The following LAT2 variants were observed in gnomAD, a reference collection of about 807,000 sequenced individuals.
LAT2 encodes linker for activation of T cells family member 2.
In LAT2, 23 loss-of-function variants were observed where a neutral mutation model predicts 43.4. The observed-to-expected ratio is 0.53, with a 90% confidence interval of 0.38 to 0.75. The LOEUF is 0.75. Ranked by LOEUF, LAT2 falls within the 30% of genes least tolerant of loss-of-function variation. The pLI is 0.00. For synonymous variants in LAT2, 128 were observed against 123.2 expected, an observed-to-expected ratio of 1.04 and a Z score of -0.26; for missense variants, 284 against 310.2, an observed-to-expected ratio of 0.92 and a Z score of 0.64.
At chr7:74,228,007 C>G (rs1802552217) in intron 13 of LAT2, among the ~76,000 whole-genome samples, 1 of 150,830 alleles carries the variant, frequency 6.6e-6, no homozygotes, top group African/African-American at 2.4e-5. Context: ...GAAACCCCAT[C>G]TCTACTAAAA....
rs569747381 is a variant in LAT2, at chr7:74,213,087, A to G, written c.-218-1735A>G. On this transcript the variant is annotated intron_variant, in intron 1 of 13. Coordinates refer to ENST00000460943, the MANE Select transcript of LAT2 (RefSeq NM_032464.3). ...GACCTCAGGGGGATCCCAAGGCAGGAGGTAGGCAGCCTGGAGCTCCTCCAT... is the reference window on the plus strand; with the variant it reads ...GACCTCAGGGGGATCCCAAGGCAGGGGGTAGGCAGCCTGGAGCTCCTCCAT... 3.9e-5 allele frequency among the ~76,000 whole-genome samples: 6 copies of G among 152,268 alleles called. No individual in the cohort carries two copies. The East Asian group carries it at 1.2e-3, about 29-fold the overall frequency.
intron 4 of LAT2, 29 bp from the exon 5 acceptor site, chr7:74,219,715 C>G: frequency 6.2e-7 from 1 of 1,614,020 alleles, no homozygotes; most frequent in South Asian, 1.1e-5. Context: ...AGTCCAGGCC[C>G]AGGCTCAGCA....
At chr7:74,216,742 G>A in intron 3 of LAT2, 83 bp from the exon 4 acceptor site, 1 of 1,185,756 alleles carries the variant, frequency 8.4e-7, no homozygotes. Context: ...GAGTCCTGCT[G>A]GAGACAAGAC....
chr7:74,221,762 G>A (rs1337744463), intron 10 of LAT2, 70 bp downstream of exon 10: 1 of 1,353,280 alleles, frequency 7.4e-7, no homozygotes, highest in Non-Finnish European at 1.0e-6. Context: ...CATACCTCCA[G>A]GCAGGAGAGG....
chr7:74,215,900 G>T, intron 2 of LAT2, 47 bp from the exon 3 acceptor site: 1 of 1,321,862 alleles, frequency 7.6e-7, no homozygotes, highest in Non-Finnish European at 1.1e-6. Context: ...TGTGGGGTAG[G>T]ATTCCTGAAA....
At chr7:74,214,361 A>ATATATATATGAACATATATAT (rs1801896735) in intron 1 of LAT2, among the ~76,000 whole-genome samples, 1 of 43,938 alleles carries the variant, frequency 2.3e-5, no homozygotes, top group Non-Finnish European at 4.0e-5. Flanking sequence ...TATATATATA[A>ATATATATATGAACATATATAT]ATATATATAT....
rs1554714853 is a variant in LAT2 at position 74,219,959 on chromosome 7, GT to G, written c.179del (p.Leu60TrpfsTer52). ...QSFTGSRTYS[L>X]VGQAWPGPLA... The stretch of plus-strand genomic sequence containing the variant: ...AACACCCCACTTCTTGCCCTTTGTA[GT>G]GGTCGGGCAGGCATGGCCAGGACCC... On this transcript the variant is annotated frameshift_variant and splice_region_variant, in exon 6 of 14. Transcript: ENST00000460943. LOFTEE classifies it high-confidence loss of function. The G allele has an allele frequency of 6.2e-7, 1 of 1,613,602 alleles. No homozygotes were observed. Among genetic ancestry groups the G allele is most frequent in the East Asian group, 2.2e-5 (1 of 44,866 alleles).
chr7:74,216,019 T>G lies in LAT2; in HGVS notation c.44T>G (p.Leu15Arg). 1 of 1,613,610 alleles carries G rather than the reference T, an allele frequency of 6.2e-7. No homozygotes were observed. The highest frequency in any genetic ancestry group is 8.5e-7 in the Non-Finnish European group (1 of 1,179,918). ...TELLWPGAAL[L>R]VLLGVAASLC... ...CTGCTGTGGCCCGGAGCAGCGCTGCTGGTGCTGTTGGGGGTGGCAGCCAGT... is the reference window on the plus strand; with the variant it reads ...CTGCTGTGGCCCGGAGCAGCGCTGCGGGTGCTGTTGGGGGTGGCAGCCAGT... The change falls in exon 3 of 14, where the codon CTG becomes CGG. Residue 15 changes from leucine to arginine, a missense_variant. Leu to Arg is a moderately radical substitution (Grantham distance 102). Transcript: ENST00000460943.
intron 1 of LAT2, among the ~76,000 whole-genome samples, chr7:74,213,763 T>C (rs1584206431): frequency 6.6e-6 from 1 of 152,100 alleles, no homozygotes; most frequent in Non-Finnish European, 1.5e-5. Flanking sequence ...GCTCCAAGCC[T>C]CACCTTCCCC....
Position 74,220,642 on chromosome 7 carries a change from G to T in LAT2, c.301+23G>T. The T allele has an allele frequency of 6.2e-7, 1 of 1,613,986 alleles. No homozygotes were observed. The highest frequency in any genetic ancestry group is 8.5e-7 in the Non-Finnish European group (1 of 1,179,946). On this transcript the variant is annotated intron_variant, in intron 8 of 13. Transcript: ENST00000460943. The surrounding 1 kb of genome is among the most constrained non-coding windows in gnomAD (Gnocchi z 4.5). Reference sequence around the variant, plus strand: ...AAGGTAGGTAGGCTCCTGGAGAAAGGGGGAGGCCATGGTGGGGGCCACACC... The same window carrying T: ...AAGGTAGGTAGGCTCCTGGAGAAAGTGGGAGGCCATGGTGGGGGCCACACC...
At chr7:74,221,959 G>T (rs868925655) in intron 10 of LAT2, among the ~76,000 whole-genome samples, 2 of 151,944 alleles carry the variant, frequency 1.3e-5, no homozygotes, top group Admixed American at 6.6e-5. Context: ...TTGGGGAGGT[G>T]GGGGGAGGCC....
intron 1 of LAT2, among the ~76,000 whole-genome samples, chr7:74,212,784 G>A (rs1168406937): frequency 2.6e-5 from 4 of 152,178 alleles, no homozygotes; most frequent in African/African-American, 2.4e-5. Context: ...GTGCCCAGGC[G>A]GGCCATGGGG....
At chr7:74,214,040 G>GTATATATATATATATATGAAAAAATATA (rs1801838062) in intron 1 of LAT2, among the ~76,000 whole-genome samples, 1 of 106,338 alleles carries the variant, frequency 9.4e-6, no homozygotes, top group Non-Finnish European at 1.8e-5. Flanking sequence ...CCATATATAT[G>GTATATATATATATATATGAAAAAATATA]TATATATATA....
intron 4 of LAT2, among the ~76,000 whole-genome samples, chr7:74,218,735 T>C (rs1275713361): frequency 2.6e-5 from 4 of 152,224 alleles, no homozygotes; most frequent in Non-Finnish European, 5.9e-5. Flanking sequence ...CATTTACTTT[T>C]GTTCAGGCTG....
At chr7:74,221,886 A>G (rs1231854168) in intron 10 of LAT2, among the ~76,000 whole-genome samples, 194 bp downstream of exon 10, 1 of 139,336 alleles carries the variant, frequency 7.2e-6, no homozygotes, top group African/African-American at 2.8e-5. Flanking sequence ...AGCGTGGGAG[A>G]GCTGTGGGCA....
chr7:74,229,012 G>A lies in LAT2; in HGVS notation c.*87G>A, dbSNP rs1584233913. ...TGCCTTCCAAGGACCATTTCCCAGAGCTACTCAACTTTTAAGCCCCTGCCA... is the reference window on the plus strand; with the variant it reads ...TGCCTTCCAAGGACCATTTCCCAGAACTACTCAACTTTTAAGCCCCTGCCA... On this transcript the variant is annotated 3_prime_UTR_variant, in exon 14 of 14. Coordinates refer to ENST00000460943, the MANE Select transcript of LAT2 (RefSeq NM_032464.3). 1 of 152,230 alleles carries A rather than the reference G, an allele frequency of 6.6e-6. No individual in the cohort carries two copies. Among genetic ancestry groups the A allele is most frequent in the South Asian group, 2.1e-4 (1 of 4,830 alleles). 9.4% of individuals were successfully genotyped at this position (152,230 alleles called of 1,614,324 possible). A position where few individuals can be genotyped will look rare whatever the true frequency, so the allele number is the denominator to read the frequency against.
chr7:74,227,965 C>T (rs1268864463), intron 13 of LAT2, among the ~76,000 whole-genome samples: 2 of 147,278 alleles, frequency 1.4e-5, no homozygotes, highest in African/African-American at 5.0e-5. Context: ...CACCTGAGGT[C>T]AGGAGTTCGA....
chr7:74,214,787 ATATATTTTTTTTTT>A (rs1801972785), intron 1 of LAT2, 21 bp from the exon 2 acceptor site: 1 of 88,386 alleles, frequency 1.1e-5, no homozygotes, highest in African/African-American at 5.4e-5. Flanking sequence ...ATATATATAT[ATATATTTTTTTTTT>A]TTTTTGTATT....
At chr7:74,214,689 T>C (rs1362834918) in intron 1 of LAT2, 133 bp from the exon 2 acceptor site, 2 of 70,628 alleles carry the variant, frequency 2.8e-5, no homozygotes, top group Non-Finnish European at 4.8e-5. Flanking sequence ...TATATGAAAA[T>C]AATATATATA....
Sources: allele counts gnomAD v4.1 joint callset (sites outside exome capture counted in the v4.1 genomes callset), GRCh38; gene constraint gnomAD v4.1.1; non-coding constraint Gnocchi (gnomAD v3.1); transcripts MANE v1.5; gene names NCBI Gene and HGNC (gene_info 2026-07-23, HGNC 2026-07-21).